PLCH1: variants seen among roughly 807,000 people sequenced by gnomAD.
PLCH1 encodes 1-phosphatidylinositol 4,5-bisphosphate phosphodiesterase eta-1.
PLCH1 carries 60 observed loss-of-function variants against 126.7 expected under a neutral mutation model. The observed-to-expected ratio is 0.47, with a 90% CI of 0.38 to 0.59. The LOEUF is 0.59. PLCH1 is among the 20% of genes least tolerant of loss of function. The probability of loss-of-function intolerance (pLI) is 0.00; values close to 1 mark genes in which losing one functional copy is unlikely to be tolerated. For synonymous variants in PLCH1, 719 were observed against 734.9 expected, an observed-to-expected ratio of 0.98 and a Z score of 0.35; for missense variants, 1,723 against 2,040.0, an observed-to-expected ratio of 0.84 and a Z score of 2.99.
chr3:155,563,126 C>T (rs1437885363), intron 8 of PLCH1, among the ~76,000 whole-genome samples: 3 of 152,300 alleles, frequency 2.0e-5, no homozygotes, highest in South Asian at 4.1e-4. Context: ...GCTGGCTCCC[C>T]TTGTGCTCCC....
chr3:155,533,453 G>A (rs530380997), intron 10 of PLCH1, among the ~76,000 whole-genome samples: 83 of 152,332 alleles, frequency 5.4e-4, no homozygotes, highest in African/African-American at 1.5e-3. Context: ...GGCTGAGGCA[G>A]GAGAATTGCT....
chr3:155,702,336 A>AT (rs5853729), intron 2 of PLCH1, among the ~76,000 whole-genome samples: 135 of 151,216 alleles, frequency 8.9e-4, no homozygotes, highest in Non-Finnish European at 1.3e-3. Flanking sequence ...CAGAATGTTA[A>AT]TTTTTTTTTT....
intron 14 of PLCH1, 142 bp from the exon 15 acceptor site, chr3:155,497,559 C>T: frequency 3.2e-6 from 2 of 629,682 alleles, no homozygotes; most frequent in Non-Finnish European, 5.7e-6. Flanking sequence ...GATTGGCACC[C>T]AAGTGTGCTT....
intron 21 of PLCH1, among the ~76,000 whole-genome samples, chr3:155,467,145 T>G (rs1427220445): frequency 6.6e-6 from 1 of 151,422 alleles, no homozygotes; most frequent in Non-Finnish European, 1.5e-5. Flanking sequence ...TACAAAAGGT[T>G]ATAGAACACC....
At chr3:155,663,713 A>G (rs1256745650) in intron 2 of PLCH1, among the ~76,000 whole-genome samples, 2 of 152,210 alleles carry the variant, frequency 1.3e-5, no homozygotes, top group Admixed American at 6.5e-5. Flanking sequence ...CATAACAGCT[A>G]CTAAGCAGTC....
rs373008782 is a variant in PLCH1 at position 155,589,126 on chromosome 3, T to A, written c.471-2932A>T. ...TGAATGTGAAGTAATGATCTAGGAT[T>A]TTCTATCAAGAGACTGTAGGAGCAT... On this transcript the variant is annotated intron_variant, in intron 4 of 22. Transcript: ENST00000460012. Among the ~76,000 whole-genome samples, 8 of 152,258 alleles carry A rather than the reference T, an allele frequency of 5.3e-5. No individual in the cohort carries two copies. The South Asian group carries it at 1.7e-3, about 32-fold the overall frequency.
chr3:155,467,254 C>CA lies in PLCH1; in HGVS notation c.2938+18101dup, dbSNP rs768841188. Among the ~76,000 whole-genome samples, 1,140 of 142,964 alleles carry CA rather than the reference C, an allele frequency of 8.0e-3. 10 individuals are homozygous for CA. The highest frequency in any genetic ancestry group is 0.014 in the South Asian group (62 of 4,466). 93.8% of individuals were successfully genotyped at this position (142,964 alleles called of 152,430 possible). A position where few individuals can be genotyped will look rare whatever the true frequency, so the allele number is the denominator to read the frequency against. On this transcript the variant is annotated intron_variant, in intron 21 of 21. Coordinates refer to the PLCH1 transcript ENST00000494598. ...AGATCTTCAGTAGAAGTCTTCTGAC[C>CA]AAAAAAAAAAAATAAAAAAGATAAA...
At chr3:155,616,152 C>T (rs1006520633) in intron 2 of PLCH1, among the ~76,000 whole-genome samples, 17 of 152,188 alleles carry the variant, frequency 1.1e-4, no homozygotes, top group African/African-American at 3.6e-4. Flanking sequence ...ACACTCTACA[C>T]CTGATACATA....
At chr3:155,681,101 C>CT (rs201119152) in intron 2 of PLCH1, among the ~76,000 whole-genome samples, 2,475 of 152,146 alleles carry the variant, frequency 0.016, 76 homozygotes, top group African/African-American at 0.056. Context: ...ACAGCTATCT[C>CT]TAGGTGTTTT....
intron 2 of PLCH1, among the ~76,000 whole-genome samples, chr3:155,661,234 A>G (rs1742098730): frequency 6.6e-6 from 1 of 152,224 alleles, no homozygotes; most frequent in Admixed American, 6.5e-5. Context: ...TTCTGTGCTC[A>G]GACCAGAGAG....
intron 1 of PLCH1, among the ~76,000 whole-genome samples, chr3:155,723,133 T>C (rs1392744508): frequency 6.6e-6 from 1 of 152,240 alleles, no homozygotes; most frequent in Non-Finnish European, 1.5e-5. Flanking sequence ...TAGCCTTGAA[T>C]GATCTTTTGT....
In PLCH1 at chr3:155,503,132, T is replaced by G. The variant is rs552783534; in HGVS notation, c.1704+1423A>C. Among the ~76,000 whole-genome samples the G allele has an allele frequency of 3.2e-4, 48 of 152,316 alleles. 1 individual carries two copies. The South Asian group carries it at 1.0e-2, about 32-fold the overall frequency. On this transcript the variant is annotated intron_variant, in intron 13 of 22. Transcript: ENST00000460012. ...GTTGGGACAGTACACTGGTCATAAG[T>G]GTGCAGGTTGATGTCTTTCACAAAT...
At chr3:155,574,458 T>A (rs764253067) in intron 6 of PLCH1, among the ~76,000 whole-genome samples, 1 of 152,234 alleles carries the variant, frequency 6.6e-6, no homozygotes, top group Non-Finnish European at 1.5e-5. Flanking sequence ...TCTATGAGAT[T>A]GAATTTCAGT....
chr3:155,675,279 T>C (rs1323659402), intron 2 of PLCH1, among the ~76,000 whole-genome samples: 1 of 152,174 alleles, frequency 6.6e-6, no homozygotes, highest in Non-Finnish European at 1.5e-5. Flanking sequence ...AGTTTGAAGG[T>C]AACTTTAGAA....
intron 19 of PLCH1, among the ~76,000 whole-genome samples, chr3:155,489,745 T>C (rs1715876834): frequency 1.3e-5 from 2 of 152,240 alleles, no homozygotes. Flanking sequence ...TAAAAGTTGT[T>C]AAAAATTCAA....
intron 2 of PLCH1, among the ~76,000 whole-genome samples, chr3:155,620,436 G>A (rs7644232): frequency 0.19 from 28,918 of 152,082 alleles, 3,552 homozygotes; most frequent in African/African-American, 0.35. Flanking sequence ...CATGGGAAGT[G>A]TACAATAATT....
chr3:155,511,575 A>G, intron 12 of PLCH1, among the ~76,000 whole-genome samples: 1 of 136,910 alleles, frequency 7.3e-6, no homozygotes, highest in Admixed American at 7.1e-5. Flanking sequence ...CTTCTAACAG[A>G]CAGGACCCTC....
intron 1 of PLCH1, among the ~76,000 whole-genome samples, chr3:155,708,006 C>A (rs1437690826): frequency 6.6e-6 from 1 of 152,192 alleles, no homozygotes; most frequent in Non-Finnish European, 1.5e-5. Context: ...AAAATTCTTT[C>A]ATGCACTGAA....
chr3:155,686,420 A>G (rs1337369496), intron 2 of PLCH1, among the ~76,000 whole-genome samples: 1 of 152,242 alleles, frequency 6.6e-6, no homozygotes, highest in African/African-American at 2.4e-5. Flanking sequence ...GGACCCATGG[A>G]AGGGACAAAT....
Sources: allele counts gnomAD v4.1 joint callset (sites outside exome capture counted in the v4.1 genomes callset), GRCh38; gene constraint gnomAD v4.1.1; transcripts MANE v1.5; gene names NCBI Gene and HGNC (gene_info 2026-07-23, HGNC 2026-07-21).